DHRSX: variants seen among roughly 807,000 people sequenced by gnomAD.
DHRSX encodes the protein polyprenol dehydrogenase.
A neutral mutation model predicts 34.0 loss-of-function variants in DHRSX; 31 were observed. The observed-to-expected ratio is 0.91, with a 90% CI of 0.69 to 1.23. The LOEUF is 1.23. DHRSX is among the 50% of genes most tolerant of loss of function. The pLI is 0.00. For synonymous variants in DHRSX, 201 were observed against 183.8 expected (o/e 1.09, Z -0.76); for missense variants, 414 against 428.1 (o/e 0.97, Z 0.29).
chrX:2,271,809 A>G (rs904806120), intron 4 of DHRSX, among the ~76,000 whole-genome samples: 3 of 152,144 alleles, frequency 2.0e-5, no homozygotes, highest in African/African-American at 7.2e-5. Flanking sequence ...TCAGAGGGCG[A>G]AGCGGGCAGA....
chrX:2,458,430 C>A (rs1603120160), intron 1 of DHRSX, among the ~76,000 whole-genome samples: 4 of 152,134 alleles, frequency 2.6e-5, no homozygotes, highest in African/African-American at 7.2e-5. Context: ...ATAGAATCAA[C>A]CCATGTTCAA....
chrX:2,472,048 G>C (rs1219832949), intron 1 of DHRSX, among the ~76,000 whole-genome samples: 2 of 151,630 alleles, frequency 1.3e-5, no homozygotes, highest in South Asian at 2.1e-4. Flanking sequence ...AGAAGGCTGA[G>C]GCAGGACAAC....
chrX:2,397,690 CG>C (rs1253310570), intron 3 of DHRSX, among the ~76,000 whole-genome samples: 15 of 151,926 alleles, frequency 9.9e-5, no homozygotes, highest in African/African-American at 3.4e-4. Context: ...TTAAATAGCG[CG>C]TAGAATTTGT....
chrX:2,325,198 G>A (rs1469039776), intron 3 of DHRSX, among the ~76,000 whole-genome samples: 6 of 152,038 alleles, frequency 3.9e-5, no homozygotes, highest in Admixed American at 3.3e-4. Context: ...GAGGACCTAG[G>A]GACTAGACAC....
intron 2 of DHRSX, among the ~76,000 whole-genome samples, chrX:2,424,394 A>C (rs922019659): frequency 1.3e-5 from 2 of 152,100 alleles, no homozygotes; most frequent in African/African-American, 4.8e-5. Flanking sequence ...GGACACAGGG[A>C]GAAGATGGTG....
chrX:2,443,247 C>G (rs1023034264), intron 1 of DHRSX, among the ~76,000 whole-genome samples: 1 of 151,852 alleles, frequency 6.6e-6, no homozygotes, highest in African/African-American at 2.4e-5. Flanking sequence ...TGCCCATGCT[C>G]CTCTTAAACT....
chrX:2,440,491 C>T (rs188335099), intron 1 of DHRSX, among the ~76,000 whole-genome samples: 29 of 151,600 alleles, frequency 1.9e-4, no homozygotes, highest in Middle Eastern at 3.5e-3. Context: ...CAGAAGATGC[C>T]GCATCCAGCT....
intron 1 of DHRSX, among the ~76,000 whole-genome samples, chrX:2,436,216 A>G (rs181173472): frequency 6.6e-6 from 1 of 152,046 alleles, no homozygotes; most frequent in Non-Finnish European, 1.5e-5. Flanking sequence ...CAACAAAAAT[A>G]AATAAATAAA....
chrX:2,325,019 C>G (rs2042361986), intron 3 of DHRSX, among the ~76,000 whole-genome samples: 1 of 151,684 alleles, frequency 6.6e-6, no homozygotes, highest in Non-Finnish European at 1.5e-5. Flanking sequence ...AATGATCCAC[C>G]CGCCTCAGCC....
chrX:2,351,050 G>A (rs182288510), intron 3 of DHRSX, among the ~76,000 whole-genome samples: 3 of 152,172 alleles, frequency 2.0e-5, no homozygotes, highest in African/African-American at 7.2e-5. Context: ...TGGACACAGG[G>A]AAGGGAACAT....
At chrX:2,459,340 T>C (rs1441020844) in intron 1 of DHRSX, among the ~76,000 whole-genome samples, 1 of 151,932 alleles carries the variant, frequency 6.6e-6, no homozygotes, top group African/African-American at 2.4e-5. Context: ...TCTGAATATG[T>C]AAATTAGCTT....
At chrX:2,445,653 C>T (rs1203797903) in intron 1 of DHRSX, among the ~76,000 whole-genome samples, 2 of 151,308 alleles carry the variant, frequency 1.3e-5, no homozygotes, top group Non-Finnish European at 3.0e-5. Context: ...GGGACCACCG[C>T]CATGTACACA....
chrX:2,361,229 G>A (rs1170264479), intron 3 of DHRSX, among the ~76,000 whole-genome samples: 1 of 152,050 alleles, frequency 6.6e-6, no homozygotes, highest in Non-Finnish European at 1.5e-5. Flanking sequence ...TCCTGCCTCA[G>A]CCTCCTGAGT....
At chrX:2,225,042 C>T (rs1402500602) in intron 6 of DHRSX, among the ~76,000 whole-genome samples, 1 of 150,458 alleles carries the variant, frequency 6.6e-6, no homozygotes, top group East Asian at 2.0e-4. Context: ...CACATTCACA[C>T]ATGCATTCAC....
chrX:2,466,675 C>T (rs1000933024), intron 1 of DHRSX, among the ~76,000 whole-genome samples: 79 of 152,146 alleles, frequency 5.2e-4, no homozygotes, highest in Non-Finnish European at 1.0e-3. Flanking sequence ...AACTACCTAT[C>T]AGGTGGTACT....
intron 3 of DHRSX, among the ~76,000 whole-genome samples, chrX:2,294,264 C>T (rs1372507836): frequency 2.0e-5 from 3 of 151,984 alleles, no homozygotes; most frequent in African/African-American, 7.2e-5. Context: ...AAGAAAGAGG[C>T]CGGGCACGAT....
At chrX:2,259,222 G>A (rs1472271788) in intron 5 of DHRSX, among the ~76,000 whole-genome samples, 8 of 151,132 alleles carry the variant, frequency 5.3e-5, no homozygotes, top group Non-Finnish European at 7.4e-5. Flanking sequence ...GCAGTGAGCC[G>A]AGATCGCACC....
At chrX:2,467,906 G>A (rs184550158) in intron 1 of DHRSX, among the ~76,000 whole-genome samples, 22 of 150,854 alleles carry the variant, frequency 1.5e-4, no homozygotes, top group African/African-American at 5.4e-4. Context: ...GAGGTTGCAG[G>A]GAGCTGAGAT....
At chrX:2,429,672 T>A (rs1169737904) in intron 1 of DHRSX, among the ~76,000 whole-genome samples, 4 of 151,990 alleles carry the variant, frequency 2.6e-5, no homozygotes, top group African/African-American at 9.7e-5. Context: ...CCCAGACCGG[T>A]CTTGATCTCC....
Sources: allele counts gnomAD v4.1 joint callset (sites outside exome capture counted in the v4.1 genomes callset), GRCh38; gene constraint gnomAD v4.1.1; transcripts MANE v1.5; gene names NCBI Gene and HGNC (gene_info 2026-07-23, HGNC 2026-07-21).